BRDT: variants seen among roughly 807,000 people sequenced by gnomAD.
The protein encoded by BRDT is bromodomain testis associated, also known as bromodomain testis-specific protein.
BRDT carries 77 observed loss-of-function variants against 113.9 expected under a neutral mutation model. That is an observed-to-expected ratio of 0.68 (90% CI 0.56 to 0.82). The LOEUF is 0.82. Ranked by LOEUF, BRDT falls within the 40% of genes least tolerant of loss-of-function variation. The probability of loss-of-function intolerance (pLI) is 0.00; values close to 1 mark genes in which losing one functional copy is unlikely to be tolerated. For synonymous variants in BRDT, 358 were observed against 366.5 expected, an observed-to-expected ratio of 0.98 and a Z score of 0.26; for missense variants, 1,027 against 1,105.4, an observed-to-expected ratio of 0.93 and a Z score of 1.01.
intron 14 of BRDT, among the ~76,000 whole-genome samples, 168 bp from the exon 15 acceptor site, chr1:91,993,915 A>T (rs1291294986): frequency 6.6e-6 from 1 of 152,224 alleles, no homozygotes; most frequent in African/African-American, 2.4e-5. Flanking sequence ...CAGTTTGCTC[A>T]TTTGCAAGAT....
At chr1:91,962,990 C>G (rs749056697) in intron 2 of BRDT, 44 bp downstream of exon 2, 6 of 1,424,458 alleles carry the variant, frequency 4.2e-6, no homozygotes, top group Non-Finnish European at 4.7e-6. Flanking sequence ...AAAGAAAACT[C>G]CTGTAAATTT....
chr1:91,969,324 C>T (rs1031505731), intron 4 of BRDT, among the ~76,000 whole-genome samples: 1 of 129,478 alleles, frequency 7.7e-6, no homozygotes. Context: ...GTAATAGGTT[C>T]ATGGCAGAGG....
chr1:91,966,810 C>T (rs1162126286), intron 3 of BRDT, among the ~76,000 whole-genome samples: 1 of 152,172 alleles, frequency 6.6e-6, no homozygotes, highest in African/African-American at 2.4e-5. Flanking sequence ...GTGGCTCATG[C>T]CTGTAATCCC....
At chr1:91,989,472 C>T (rs1451876401) in intron 12 of BRDT, among the ~76,000 whole-genome samples, 7 of 151,950 alleles carry the variant, frequency 4.6e-5, no homozygotes, top group South Asian at 2.1e-4. Context: ...GCTATTCTCC[C>T]GCCTCAGCCT....
intron 1 of BRDT, among the ~76,000 whole-genome samples, chr1:91,958,063 G>A (rs1228442675): frequency 6.6e-6 from 1 of 152,038 alleles, no homozygotes; most frequent in Non-Finnish European, 1.5e-5. Context: ...GGCTGGTCTC[G>A]AGCTCCCGAC....
chr1:91,998,241 C>G (rs529750309), intron 15 of BRDT, among the ~76,000 whole-genome samples: 1 of 152,152 alleles, frequency 6.6e-6, no homozygotes, highest in South Asian at 2.1e-4. Context: ...TCATCCTCAG[C>G]AAACTAATAC....
intron 4 of BRDT, 36 bp downstream of exon 4, chr1:91,968,296 C>T (rs537230850): frequency 1.2e-6 from 2 of 1,602,540 alleles, no homozygotes; most frequent in East Asian, 4.5e-5. Flanking sequence ...GGTTCTCTCT[C>T]TTTTTTTCCC....
intron 18 of BRDT, among the ~76,000 whole-genome samples, chr1:92,010,183 C>A (rs1439511709): frequency 5.3e-5 from 8 of 151,918 alleles, no homozygotes; most frequent in Non-Finnish European, 1.0e-4. Flanking sequence ...CAAATAATAT[C>A]CCACCTCACT....
chr1:92,004,534 G>T lies in BRDT; in HGVS notation c.2509G>T (p.Glu837Ter). ...ATTTAGAAAAGCAGCCATAGAAAAG[G>T]AAGTAAAAGCTCGGACACAGGAACT... is the stretch of plus-strand genomic sequence containing the variant. ...NQFRKAAIEK[E>*]VKARTQELIR... The change falls in exon 17 of 19, where the codon GAA becomes TAA. Residue 837 changes from glutamate to a stop codon, truncating the protein, a stop_gained. Transcript: ENST00000399546. LOFTEE classifies it high-confidence loss of function. The T allele has an allele frequency of 6.2e-7, 1 of 1,613,454 alleles. No homozygotes were observed.
rs1570520254 is a variant in BRDT at position 91,977,408 on chromosome 1, A to T, written c.969+15A>T. 1 of 1,474,518 alleles carries T rather than the reference A, an allele frequency of 6.8e-7. No individual in the cohort carries two copies. The highest frequency in any genetic ancestry group is 9.0e-7 in the Non-Finnish European group (1 of 1,105,236). The allele number at this position is 1,474,518 out of a possible 1,614,324, so 91.3% of individuals were successfully genotyped here. A position where few individuals can be genotyped will look rare whatever the true frequency, so the allele number is the denominator to read the frequency against. Reference sequence around the variant, plus strand: ...GAACTATTAAGGTAAATGTTGCCTTAAAAGGAAGAACTTCTTTTTCTTGAT... The same window carrying T: ...GAACTATTAAGGTAAATGTTGCCTTTAAAGGAAGAACTTCTTTTTCTTGAT... On this transcript the variant is annotated intron_variant, in intron 6 of 18. Coordinates refer to ENST00000399546, the MANE Select transcript of BRDT (RefSeq NM_207189.4).
intron 13 of BRDT, among the ~76,000 whole-genome samples, chr1:91,991,991 C>CAAAAAAAAAAAAAAAA (rs764759925): frequency 1.3e-4 from 9 of 67,744 alleles, no homozygotes; most frequent in Non-Finnish European, 2.1e-4. Context: ...GACTCTGTCT[C>CAAAAAAAAAAAAAAAA]AAAAAAAAAA....
At chr1:91,960,561 G>A (rs1029932567) in intron 1 of BRDT, among the ~76,000 whole-genome samples, 22 of 152,280 alleles carry the variant, frequency 1.4e-4, no homozygotes, top group Admixed American at 3.9e-4. Context: ...AGGATTTGTT[G>A]GTTAATGCAC....
chr1:91,961,409 C>A (rs1682427221), intron 1 of BRDT, among the ~76,000 whole-genome samples: 1 of 152,122 alleles, frequency 6.6e-6, no homozygotes, highest in Admixed American at 6.6e-5. Flanking sequence ...GTGTGTGGAT[C>A]ACCTGAGGTC....
At chr1:92,003,766 T>C (rs192792087) in intron 16 of BRDT, among the ~76,000 whole-genome samples, 1 of 152,318 alleles carries the variant, frequency 6.6e-6, no homozygotes, top group Admixed American at 6.5e-5. Context: ...ATGTCTTTTA[T>C]ATTGATTACC....
chr1:91,976,662 T>C (rs927241931), intron 5 of BRDT, among the ~76,000 whole-genome samples: 1 of 152,180 alleles, frequency 6.6e-6, no homozygotes, highest in Admixed American at 6.6e-5. Flanking sequence ...TTGTACTGTT[T>C]GGGTATCTTG....
chr1:91,996,184 G>A (rs923988294), intron 15 of BRDT, among the ~76,000 whole-genome samples: 2 of 152,076 alleles, frequency 1.3e-5, no homozygotes, highest in African/African-American at 4.8e-5. Flanking sequence ...ATACAAATTT[G>A]TATACTTTGT....
At chr1:91,960,627 C>T (rs1236488165) in intron 1 of BRDT, among the ~76,000 whole-genome samples, 1 of 152,130 alleles carries the variant, frequency 6.6e-6, no homozygotes, top group Non-Finnish European at 1.5e-5. Context: ...TCACAAAAAA[C>T]ATGAATATAC....
Position 91,968,267 on chromosome 1 carries a change from C to T in BRDT, c.445+7C>T, listed in dbSNP as rs1176421952. 1 of 1,613,484 alleles carries T rather than the reference C, an allele frequency of 6.2e-7. No individual in the cohort carries two copies. The highest frequency in any genetic ancestry group is 2.2e-5 in the East Asian group (1 of 44,852). On this transcript the variant is annotated splice_region_variant and intron_variant, in intron 4 of 18. Transcript: ENST00000399546. ...AAGGAAAGAATCAAGAAAGGTAAGG[C>T]AGGAGGTAAACACTTTATGGTTCTC...
At chr1:91,999,283 A>G (rs1686624908) in intron 15 of BRDT, among the ~76,000 whole-genome samples, 1 of 152,188 alleles carries the variant, frequency 6.6e-6, no homozygotes, top group Admixed American at 6.5e-5. Flanking sequence ...GATACTGTCC[A>G]GGTTGACAGA....
Sources: allele counts gnomAD v4.1 joint callset (sites outside exome capture counted in the v4.1 genomes callset), GRCh38; gene constraint gnomAD v4.1.1; transcripts MANE v1.5; gene names NCBI Gene and HGNC (gene_info 2026-07-23, HGNC 2026-07-21).